SOCS7: variants seen among roughly 807,000 people sequenced by gnomAD.
SOCS7 encodes the protein NAP-4.
Under a neutral mutation model 58.9 loss-of-function variants are expected in SOCS7, and 18 were observed. That is an observed-to-expected ratio of 0.31 (90% CI 0.21 to 0.45). The LOEUF is 0.45. Ranked by LOEUF, SOCS7 falls within the 20% of genes least tolerant of loss-of-function variation. The pLI, the probability that SOCS7 is intolerant of heterozygous loss-of-function variation, is 1.00. For missense variants in SOCS7, 667 were observed against 837.3 expected (o/e 0.80, Z 2.51); for synonymous variants, 388 against 364.3 (o/e 1.06, Z -0.74).
rs2037577942 is a variant in SOCS7 at position 38,352,895 on chromosome 17, C to G, written c.843C>G (p.Leu281=). The part of the protein sequence containing the change: ...KGSFKIRLSR[L]FRTKSCNGGS... ...CCTTCAAAATCCGCCTCAGTCGCCTCTTTCGCACCAAGAGCTGCAACGGTG... is the reference window on the plus strand; with the variant it reads ...CCTTCAAAATCCGCCTCAGTCGCCTGTTTCGCACCAAGAGCTGCAACGGTG... Residue 281 remains leucine (L), a synonymous_variant, in exon 1 of 10, where the codon CTC becomes CTG. Transcript: ENST00000612932. This position sits in a 1 kb window ranked among gnomAD's most constrained non-coding sequence, Gnocchi z 5.5. 1.2e-6 allele frequency: 2 copies of G among 1,603,244 alleles called. No homozygotes were observed. Among genetic ancestry groups the G allele is most frequent in the African/African-American group, 2.7e-5 (2 of 74,984 alleles).
At position 38,364,740 on chromosome 17, in the gene SOCS7, T is replaced by C; in HGVS notation, c.1046-12T>C. On this transcript the variant is annotated splice_polypyrimidine_tract_variant and intron_variant, in intron 2 of 9. Coordinates refer to ENST00000612932, the MANE Select transcript of SOCS7 (RefSeq NM_014598.4). Reference sequence around the variant, plus strand: ...GCGCTTCTGTAACTTGCTTGCTCCATGAATCCCTCAGGTGAAACTGTGTCG... The same window carrying C: ...GCGCTTCTGTAACTTGCTTGCTCCACGAATCCCTCAGGTGAAACTGTGTCG... 1 of 1,612,338 alleles carries C rather than the reference T, an allele frequency of 6.2e-7. No individual in the cohort carries two copies. Among genetic ancestry groups the C allele is most frequent in the Non-Finnish European group, 8.5e-7 (1 of 1,178,414 alleles).
At chr17:38,385,633 G>T (rs2038059319) in intron 7 of SOCS7, among the ~76,000 whole-genome samples, 1 of 151,850 alleles carries the variant, frequency 6.6e-6, no homozygotes, top group South Asian at 2.1e-4. Flanking sequence ...TTCCATGAAT[G>T]CTTTTATCAC....
At position 38,401,979 on chromosome 17, in the gene SOCS7, G is replaced by A. The variant is rs963670011; in HGVS notation, c.*2497G>A. Reference sequence around the variant, plus strand: ...CCTCACTATGGTCAGCTCAGGCCATGTGAGGGAGGCAGAGCCTCTGCACCC... The same window carrying A: ...CCTCACTATGGTCAGCTCAGGCCATATGAGGGAGGCAGAGCCTCTGCACCC... On this transcript the variant is annotated 3_prime_UTR_variant, in exon 10 of 10. Transcript: ENST00000612932. 6.6e-6 allele frequency: 1 copy of A among 152,272 alleles called. No individual in the cohort carries two copies. The highest frequency in any genetic ancestry group is 1.5e-5 in the Non-Finnish European group (1 of 68,074). 9.4% of individuals were successfully genotyped at this position (152,272 alleles called of 1,614,324 possible).
chr17:38,380,902 G>A (rs1253531530), intron 7 of SOCS7, among the ~76,000 whole-genome samples: 1 of 151,982 alleles, frequency 6.6e-6, no homozygotes, highest in Non-Finnish European at 1.5e-5. Context: ...AATAATACAT[G>A]AGACTTCATT....
intron 7 of SOCS7, among the ~76,000 whole-genome samples, chr17:38,382,327 G>A (rs939011141): frequency 3.3e-5 from 5 of 150,874 alleles, no homozygotes; most frequent in African/African-American, 9.8e-5. Context: ...GGTCCCAGCT[G>A]CTTGGGAGGC....
chr17:38,362,431 A>G (rs587756403), intron 2 of SOCS7, among the ~76,000 whole-genome samples: 14 of 152,340 alleles, frequency 9.2e-5, no homozygotes, highest in African/African-American at 3.4e-4. Flanking sequence ...TGTCAGTCAC[A>G]GGTGAAGCTC....
At chr17:38,365,897 G>A in intron 4 of SOCS7, 1 of 773,424 alleles carries the variant, frequency 1.3e-6, no homozygotes, top group Non-Finnish European at 1.6e-6. Flanking sequence ...CTACTTGCCT[G>A]GCAAAATCAT....
chr17:38,366,528 T>A, intron 5 of SOCS7, 111 bp downstream of exon 5: 1 of 1,348,024 alleles, frequency 7.4e-7, no homozygotes, highest in Non-Finnish European at 1.0e-6. Flanking sequence ...AGGGTCTGGC[T>A]CTGTTGCCCA....
chr17:38,378,561 C>CT (rs1457256129), intron 7 of SOCS7, among the ~76,000 whole-genome samples: 1 of 152,136 alleles, frequency 6.6e-6, no homozygotes, highest in Non-Finnish European at 1.5e-5. Flanking sequence ...ACATTGCACT[C>CT]TGTTAGGAAG....
In SOCS7 at chr17:38,402,478, A is replaced by G. The variant is rs951039743; in HGVS notation, c.*2996A>G. On this transcript the variant is annotated 3_prime_UTR_variant, in exon 10 of 10. Coordinates refer to ENST00000612932, the MANE Select transcript of SOCS7 (RefSeq NM_014598.4). ...TCTGGGCGCGGTGGCTCACGCCTGT[A>G]ATCCCAGCACTTTGGGAGGCTGAGG... 1 of 152,588 alleles carries G rather than the reference A, an allele frequency of 6.6e-6. No individual in the cohort carries two copies. Among genetic ancestry groups the G allele is most frequent in the Non-Finnish European group, 1.5e-5 (1 of 68,356 alleles). 9.5% of individuals were successfully genotyped at this position (152,588 alleles called of 1,614,324 possible).
intron 6 of SOCS7, among the ~76,000 whole-genome samples, chr17:38,376,934 T>C (rs536392967): frequency 6.6e-6 from 1 of 152,322 alleles, no homozygotes; most frequent in East Asian, 1.9e-4. Context: ...ACATGAATAC[T>C]TACCATTCTT....
chr17:38,366,634 C>T (rs2037793788), intron 5 of SOCS7, among the ~76,000 whole-genome samples: 2 of 152,196 alleles, frequency 1.3e-5, no homozygotes, highest in Admixed American at 6.5e-5. Context: ...GCTAGGACTG[C>T]AGGCATGCAC....
intron 7 of SOCS7, among the ~76,000 whole-genome samples, chr17:38,391,158 A>G (rs944330633): frequency 6.6e-6 from 1 of 152,156 alleles, no homozygotes; most frequent in African/African-American, 2.4e-5. Context: ...TTCATGTTAT[A>G]TCCTGTAAAC....
intron 9 of SOCS7, among the ~76,000 whole-genome samples, chr17:38,396,224 C>A (rs935412544): frequency 7.9e-5 from 12 of 152,330 alleles, no homozygotes; most frequent in Middle Eastern, 6.8e-3. Context: ...TGCCAGGAAA[C>A]GTGCAAGCTA....
At chr17:38,365,263 C>A in intron 3 of SOCS7, 45 bp from the exon 4 acceptor site, 1 of 1,456,586 alleles carries the variant, frequency 6.9e-7, no homozygotes, top group Non-Finnish European at 9.5e-7. Flanking sequence ...CGTGCTCATT[C>A]TGTGCTCACA....
chr17:38,380,144 A>G (rs2037982269), intron 7 of SOCS7, among the ~76,000 whole-genome samples: 1 of 152,302 alleles, frequency 6.6e-6, no homozygotes, highest in East Asian at 1.9e-4. Flanking sequence ...AGCTTATTTC[A>G]TTGTACAAAT....
chr17:38,357,753 G>T (rs1555567004), intron 1 of SOCS7, among the ~76,000 whole-genome samples: 1 of 152,224 alleles, frequency 6.6e-6, no homozygotes, highest in Non-Finnish European at 1.5e-5. Context: ...ATAAAATCTG[G>T]TATTTGGACA....
chr17:38,391,324 T>C (rs1263040629), intron 7 of SOCS7, among the ~76,000 whole-genome samples: 2 of 152,194 alleles, frequency 1.3e-5, no homozygotes, highest in Admixed American at 6.5e-5. Context: ...AACTATTGTT[T>C]AGTTTTTCTT....
intron 1 of SOCS7, among the ~76,000 whole-genome samples, chr17:38,357,126 G>A (rs1567735082): frequency 6.6e-6 from 1 of 152,202 alleles, no homozygotes; most frequent in Non-Finnish European, 1.5e-5. Flanking sequence ...ATAGAATTCT[G>A]GAAAGAGAGG....
Sources: allele counts gnomAD v4.1 joint callset (sites outside exome capture counted in the v4.1 genomes callset), GRCh38; gene constraint gnomAD v4.1.1; non-coding constraint Gnocchi (gnomAD v3.1); transcripts MANE v1.5; gene names NCBI Gene and HGNC (gene_info 2026-07-23, HGNC 2026-07-21).